The following CENPU variants were observed in gnomAD, a reference collection of about 807,000 sequenced individuals.
The protein encoded by CENPU is centromere protein U, also known as KSHV latent nuclear antigen interacting protein 1.
In CENPU, 46 loss-of-function variants were observed where a neutral mutation model predicts 56.7. The observed-to-expected ratio is 0.81, with a 90% CI of 0.64 to 1.04. The LOEUF (loss-of-function observed/expected upper bound fraction) is 1.04. Ranked by LOEUF, CENPU falls within the 50% of genes least tolerant of loss-of-function variation. The probability of loss-of-function intolerance (pLI) is 0.00; values close to 1 mark genes in which losing one functional copy is unlikely to be tolerated. For synonymous variants in CENPU, 166 were observed against 163.0 expected, an observed-to-expected ratio of 1.02 and a Z score of -0.14; for missense variants, 510 against 490.1, an observed-to-expected ratio of 1.04 and a Z score of -0.38.
At chr4:184,706,184 A>T (rs1336484178) in intron 8 of CENPU, among the ~76,000 whole-genome samples, 1 of 152,182 alleles carries the variant, frequency 6.6e-6, no homozygotes, top group East Asian at 1.9e-4. Flanking sequence ...TATAATATCA[A>T]ATCATTATTT....
chr4:184,732,739 C>A (rs1231992415), intron 1 of CENPU, among the ~76,000 whole-genome samples: 1 of 152,158 alleles, frequency 6.6e-6, no homozygotes, highest in Non-Finnish European at 1.5e-5. Flanking sequence ...CGCGGTGGCT[C>A]ATGCCTGTAA....
chr4:184,730,565 C>T (rs940562910), intron 2 of CENPU, among the ~76,000 whole-genome samples: 8 of 133,316 alleles, frequency 6.0e-5, no homozygotes, highest in African/African-American at 2.1e-4. Context: ...GAAAAGTAAA[C>T]CTGTAATGTG....
chr4:184,699,917 A>G (rs1021260319), intron 11 of CENPU, among the ~76,000 whole-genome samples: 3 of 152,186 alleles, frequency 2.0e-5, no homozygotes, highest in Admixed American at 1.3e-4. Context: ...TCGGCCTCCC[A>G]AAGTGCTGGG....
At chr4:184,724,047 G>A (rs950681537) in intron 4 of CENPU, among the ~76,000 whole-genome samples, 9 of 151,784 alleles carry the variant, frequency 5.9e-5, no homozygotes, top group African/African-American at 2.2e-4. Context: ...GGCAGATCAC[G>A]AGATCAGGAG....
rs548503845 is a variant in CENPU at position 184,695,135 on chromosome 4, A to T, written c.*153T>A. ...ATTGGACAAACTGATGCTATTTAAC[A>T]TTGTTCACAGCCATTTAATTTGAAT... On this transcript the variant is annotated 3_prime_UTR_variant, in exon 13 of 13. Coordinates refer to ENST00000281453, the MANE Select transcript of CENPU (RefSeq NM_024629.4). 6.3e-5 allele frequency: 38 copies of T among 599,562 alleles called. 1 individual carries two copies. The East Asian group carries it at 1.0e-3, about 16-fold the overall frequency. The allele number at this position is 599,562 out of a possible 1,614,324, so 37.1% of individuals were successfully genotyped here. A position where few individuals can be genotyped will look rare whatever the true frequency, so the allele number is the denominator to read the frequency against.
intron 8 of CENPU, among the ~76,000 whole-genome samples, chr4:184,708,843 T>C (rs1038028896): frequency 3.9e-5 from 6 of 152,172 alleles, no homozygotes; most frequent in African/African-American, 1.4e-4. Context: ...AGAAAATATA[T>C]GAGATAAAAG....
intron 4 of CENPU, among the ~76,000 whole-genome samples, chr4:184,723,841 CAAAAAAAAAAAAAA>C (rs11299367): frequency 5.1e-5 from 3 of 58,446 alleles, no homozygotes; most frequent in Admixed American, 2.3e-4. Flanking sequence ...GACTCCATCT[CAAAAAAAAAAAAAA>C]AAAAAAAAAA....
At chr4:184,697,910 G>T in intron 11 of CENPU, 107 bp from the exon 12 acceptor site, 1 of 737,446 alleles carries the variant, frequency 1.4e-6, no homozygotes, top group Non-Finnish European at 2.1e-6. Flanking sequence ...TGGCCAACTA[G>T]ATGACTTGCT....
Position 184,728,976 on chromosome 4 carries a change from G to C in CENPU, c.156C>G (p.Val52=). ...DVFDFPDNSD[V]SSIGRLGENE... is the part of the protein sequence containing the mutation. ...TTTCACCCAGCCTGCCAATGCTTGA[G>C]ACATCAGAATTATCAGGAAAGTCGA... Residue 52 remains valine, a synonymous_variant, in exon 3 of 13, where the codon GTC becomes GTG. Coordinates refer to ENST00000281453, the MANE Select transcript of CENPU (RefSeq NM_024629.4). 1 of 1,614,132 alleles carries C rather than the reference G, an allele frequency of 6.2e-7. No individual in the cohort carries two copies. The highest frequency in any genetic ancestry group is 8.5e-7 in the Non-Finnish European group (1 of 1,180,008).
intron 1 of CENPU, among the ~76,000 whole-genome samples, chr4:184,731,552 A>G (rs1761645886): frequency 6.6e-6 from 1 of 152,234 alleles, no homozygotes; most frequent in African/African-American, 2.4e-5. Flanking sequence ...AACAATGGTG[A>G]CAAGAATAAA....
At chr4:184,698,701 A>C (rs1461257458) in intron 11 of CENPU, among the ~76,000 whole-genome samples, 1 of 152,092 alleles carries the variant, frequency 6.6e-6, no homozygotes. Flanking sequence ...CACCCGCCCC[A>C]GCCTCCCAAA....
chr4:184,715,934 TTTG>T (rs1331962972), intron 6 of CENPU, among the ~76,000 whole-genome samples: 6,317 of 133,182 alleles, frequency 0.047, 429 homozygotes, highest in African/African-American at 0.15. Context: ...TAGCTTTTTT[TTTG>T]TTTTTTTTTT....
chr4:184,717,977 T>G (rs190029159), intron 4 of CENPU, among the ~76,000 whole-genome samples: 1 of 152,132 alleles, frequency 6.6e-6, no homozygotes, highest in Non-Finnish European at 1.5e-5. Context: ...AGAGCACAGA[T>G]AGAATGTATT....
At chr4:184,710,028 G>T in intron 8 of CENPU, 44 bp downstream of exon 8, 1 of 1,115,428 alleles carries the variant, frequency 9.0e-7, no homozygotes, top group East Asian at 2.5e-5. Context: ...GGTGCTTCAG[G>T]GGAAATTTAT....
At chr4:184,728,235 G>A (rs541642910) in intron 3 of CENPU, among the ~76,000 whole-genome samples, 2 of 152,234 alleles carry the variant, frequency 1.3e-5, no homozygotes, top group African/African-American at 4.8e-5. Context: ...CATAATAAAA[G>A]ACATTATTCT....
At chr4:184,721,828 T>C (rs1761288285) in intron 4 of CENPU, among the ~76,000 whole-genome samples, 2 of 152,186 alleles carry the variant, frequency 1.3e-5, no homozygotes, top group Admixed American at 1.3e-4. Context: ...CTTTCAGCAC[T>C]GGAGAGATCT....
Position 184,704,683 on chromosome 4 carries a change from C to T in CENPU, c.798-2242G>A, listed in dbSNP as rs1760663377. On this transcript the variant is annotated intron_variant, in intron 8 of 12. Transcript: ENST00000281453. ...TATGCTGAGTGAAATAAGACAGTCACAAAAGGACAAATATTGTATGATTCC... is the reference window on the plus strand; with the variant it reads ...TATGCTGAGTGAAATAAGACAGTCATAAAAGGACAAATATTGTATGATTCC... 5.3e-5 allele frequency among the ~76,000 whole-genome samples: 8 copies of T among 152,154 alleles called. No individual in the cohort carries two copies. The South Asian group carries it at 1.7e-3, about 32-fold the overall frequency.
chr4:184,697,499 T>C (rs773271256), intron 12 of CENPU, 148 bp downstream of exon 12: 7 of 725,452 alleles, frequency 9.6e-6, no homozygotes, highest in Non-Finnish European at 1.6e-5. Context: ...ATAATGAAGT[T>C]TCACTGGCTT....
At chr4:184,702,975 G>A in intron 8 of CENPU, among the ~76,000 whole-genome samples, 1 of 152,076 alleles carries the variant, frequency 6.6e-6, no homozygotes, top group East Asian at 1.9e-4. Context: ...ACCCACAGTT[G>A]ATGGGCACTT....
Sources: gnomAD v4.1 joint callset for allele counts (sites outside exome capture counted in the v4.1 genomes callset) on GRCh38, gnomAD v4.1.1 for gene constraint, MANE v1.5 for transcripts, NCBI Gene and HGNC (gene_info 2026-07-23, HGNC 2026-07-21) for gene names.